The following DRAM1 variants were observed in gnomAD, a reference collection of about 807,000 sequenced individuals.
DRAM1 encodes the protein DNA damage-regulated autophagy modulator protein 1.
In DRAM1, 25 loss-of-function variants were observed where a neutral mutation model predicts 28.5. The ratio of observed to expected loss-of-function variants is 0.88; its 90% CI spans 0.64 to 1.23. The LOEUF (loss-of-function observed/expected upper bound fraction) is 1.23. Ranked by LOEUF, DRAM1 falls within the 50% of genes most tolerant of loss-of-function variation. DRAM1 has a pLI of 0.00. For missense variants in DRAM1, 249 were observed against 299.2 expected, an observed-to-expected ratio of 0.83 and a Z score of 1.24; for synonymous variants, 113 against 114.2, an observed-to-expected ratio of 0.99 and a Z score of 0.07.
intron 1 of DRAM1, among the ~76,000 whole-genome samples, chr12:101,881,885 C>T (rs1210847667): frequency 6.6e-6 from 1 of 152,146 alleles, no homozygotes; most frequent in African/African-American, 2.4e-5. Context: ...TTCTGTCTCC[C>T]TTCACTGGAT....
At chr12:101,888,019 A>G (rs946603163) in intron 1 of DRAM1, among the ~76,000 whole-genome samples, 1 of 152,202 alleles carries the variant, frequency 6.6e-6, no homozygotes, top group African/African-American at 2.4e-5. Context: ...TGTTAATGAC[A>G]TATCAGTTTT....
chr12:101,879,836 A>G (rs1286937990), intron 1 of DRAM1, among the ~76,000 whole-genome samples: 1 of 152,096 alleles, frequency 6.6e-6, no homozygotes, highest in Non-Finnish European at 1.5e-5. Context: ...TCTACTAAAA[A>G]TACAGAAATT....
chr12:101,888,350 C>T (rs1456074230), intron 1 of DRAM1, among the ~76,000 whole-genome samples: 4 of 151,944 alleles, frequency 2.6e-5, no homozygotes, highest in Non-Finnish European at 4.4e-5. Context: ...AGGCTGGTCT[C>T]GAACTCTTGA....
chr12:101,897,807 C>T (rs1873442689), intron 1 of DRAM1, 56 bp from the exon 2 acceptor site: 3 of 1,295,236 alleles, frequency 2.3e-6, no homozygotes, highest in Admixed American at 1.8e-5. Flanking sequence ...CGTGTCTTCC[C>T]AGAGGTCTGG....
Position 101,901,287 on chromosome 12 carries a change from T to C in DRAM1, c.200-4T>C. On this transcript the variant is annotated splice_region_variant and splice_polypyrimidine_tract_variant and intron_variant, in intron 2 of 6. Transcript: ENST00000258534. ...ACATTCATCAAAGTTCTCTTCTTTT[T>C]CAGGTGCAGCCACGATGTATACAAG... The C allele has an allele frequency of 6.2e-7, 1 of 1,607,830 alleles. No individual in the cohort carries two copies. Among genetic ancestry groups the C allele is most frequent in the Non-Finnish European group, 8.5e-7 (1 of 1,178,008 alleles).
Position 101,877,625 on chromosome 12 carries a change from C to G in DRAM1, c.-165C>G. On this transcript the variant is annotated 5_prime_UTR_variant, in exon 1 of 7. Transcript: ENST00000258534. The surrounding 1 kb of genome is among the most constrained non-coding windows in gnomAD (Gnocchi z 4.1). ...CCGCCCGCAGCCTCGCTCCGCTCCT[C>G]GCGCTTCCCCTCCCTCCGGGGCTGG... 1 of 394,106 alleles carries G rather than the reference C, an allele frequency of 2.5e-6. No homozygotes were observed. Among genetic ancestry groups the G allele is most frequent in the Admixed American group, 5.0e-5 (1 of 20,192 alleles). 24.4% of individuals were successfully genotyped at this position (394,106 alleles called of 1,614,324 possible). A position where few individuals can be genotyped will look rare whatever the true frequency, so the allele number is the denominator to read the frequency against.
intron 2 of DRAM1, 131 bp downstream of exon 2, chr12:101,898,061 T>C (rs1242689029): frequency 1.1e-5 from 6 of 551,552 alleles, no homozygotes; most frequent in Non-Finnish European, 1.8e-5. Flanking sequence ...GTCTCTGTCA[T>C]CCAGGCTGGA....
intron 1 of DRAM1, among the ~76,000 whole-genome samples, chr12:101,882,637 C>G (rs948558780): frequency 1.3e-5 from 2 of 151,228 alleles, no homozygotes; most frequent in Non-Finnish European, 2.9e-5. Flanking sequence ...TTAAAACTCA[C>G]TGATGCCAGT....
At chr12:101,920,457 A>C (rs543111278) in intron 6 of DRAM1, among the ~76,000 whole-genome samples, 1 of 152,188 alleles carries the variant, frequency 6.6e-6, no homozygotes. Flanking sequence ...TTCATGTGTT[A>C]GCTTATTCCC....
At chr12:101,902,812 G>C (rs1207489794) in intron 3 of DRAM1, among the ~76,000 whole-genome samples, 6 of 152,116 alleles carry the variant, frequency 3.9e-5, no homozygotes, top group Admixed American at 3.9e-4. Context: ...CAACTTCCTT[G>C]TTTGGTATCC....
intron 1 of DRAM1, among the ~76,000 whole-genome samples, chr12:101,896,625 A>G (rs902497659): frequency 2.6e-5 from 4 of 152,188 alleles, no homozygotes; most frequent in African/African-American, 7.2e-5. Flanking sequence ...GAACATGTCA[A>G]ACAGTATTTT....
intron 3 of DRAM1, 109 bp downstream of exon 3, chr12:101,901,542 T>A: frequency 7.5e-7 from 1 of 1,331,920 alleles, no homozygotes; most frequent in Non-Finnish European, 1.0e-6. Flanking sequence ...ATTAAATGCT[T>A]GATGAGTTTA....
In DRAM1 at chr12:101,900,623, C is replaced by A. The variant is rs535499034; in HGVS notation, c.200-668C>A. ...AATGATCAGAGAAATGCAAACTAACCCAACAGGTTGAATTTTCATTTATTA... is the reference window on the plus strand; with the variant it reads ...AATGATCAGAGAAATGCAAACTAACACAACAGGTTGAATTTTCATTTATTA... On this transcript the variant is annotated intron_variant, in intron 2 of 6. Transcript: ENST00000258534. Among the ~76,000 whole-genome samples, 17 of 152,194 alleles carry A rather than the reference C, an allele frequency of 1.1e-4. No homozygotes were observed. The South Asian group carries it at 1.9e-3, about 17-fold the overall frequency.
chr12:101,919,421 T>C (rs1874388635), intron 5 of DRAM1, among the ~76,000 whole-genome samples: 1 of 152,140 alleles, frequency 6.6e-6, no homozygotes, highest in South Asian at 2.1e-4. Context: ...CCATCAGTTT[T>C]ATTTATTATT....
chr12:101,894,326 A>G (rs1245092895), intron 1 of DRAM1, among the ~76,000 whole-genome samples: 2 of 152,144 alleles, frequency 1.3e-5, no homozygotes, highest in African/African-American at 4.8e-5. Flanking sequence ...CATGTTGGCC[A>G]GGCTGGTCTT....
At chr12:101,891,254 A>G (rs1430539912) in intron 1 of DRAM1, among the ~76,000 whole-genome samples, 3 of 152,194 alleles carry the variant, frequency 2.0e-5, no homozygotes, top group Admixed American at 6.5e-5. Flanking sequence ...CTAAGTCCCT[A>G]TCAATCATCC....
At position 101,877,690 on chromosome 12, in the gene DRAM1, C is replaced by G. The variant is rs1555280380; in HGVS notation, c.-100C>G. 6 of 934,574 alleles carry G rather than the reference C, an allele frequency of 6.4e-6. No individual in the cohort carries two copies. Among genetic ancestry groups the G allele is most frequent in the Non-Finnish European group, 8.3e-6 (6 of 718,874 alleles). 57.9% of individuals were successfully genotyped at this position (934,574 alleles called of 1,614,324 possible). ...TCGCGGAGCCTCCCCTCCCACCGTCCGTGAGTGTACGCGCCCGGCCGCCGC... is the reference window on the plus strand; with the variant it reads ...TCGCGGAGCCTCCCCTCCCACCGTCGGTGAGTGTACGCGCCCGGCCGCCGC... On this transcript the variant is annotated 5_prime_UTR_variant, in exon 1 of 7. Transcript: ENST00000258534. This position sits in a 1 kb window ranked among gnomAD's most constrained non-coding sequence, Gnocchi z 4.1.
chr12:101,880,800 C>A (rs540892729), intron 1 of DRAM1, among the ~76,000 whole-genome samples: 1 of 152,236 alleles, frequency 6.6e-6, no homozygotes, highest in Admixed American at 6.5e-5. Context: ...CAAGGTGAAC[C>A]ACTTATGAGA....
chr12:101,896,209 A>G (rs142940637), intron 1 of DRAM1, among the ~76,000 whole-genome samples: 1 of 152,314 alleles, frequency 6.6e-6, no homozygotes, highest in African/African-American at 2.4e-5. Context: ...TTTATACTCC[A>G]GTTTAAATAC....
Sources: allele counts gnomAD v4.1 joint callset (sites outside exome capture counted in the v4.1 genomes callset), GRCh38; gene constraint gnomAD v4.1.1; non-coding constraint Gnocchi (gnomAD v3.1); transcripts MANE v1.5; gene names NCBI Gene and HGNC (gene_info 2026-07-23, HGNC 2026-07-21).